The following DCP1B variants were observed in gnomAD, a reference collection of about 807,000 sequenced individuals.
DCP1B encodes decapping mRNA 1B.
In DCP1B, 47 loss-of-function variants were observed where a neutral mutation model predicts 60.5. The observed-to-expected ratio is 0.78, with a 90% CI of 0.61 to 0.99. The LOEUF (loss-of-function observed/expected upper bound fraction) is 0.99. Ranked by LOEUF, DCP1B falls within the 50% of genes least tolerant of loss-of-function variation. The pLI is 0.00. For missense variants in DCP1B, 725 were observed against 756.8 expected, an observed-to-expected ratio of 0.96 and a Z score of 0.49; for synonymous variants, 267 against 280.3, an observed-to-expected ratio of 0.95 and a Z score of 0.47.
chr12:1,969,684 G>A (rs910466989), intron 3 of DCP1B, among the ~76,000 whole-genome samples: 2 of 151,450 alleles, frequency 1.3e-5, no homozygotes, highest in African/African-American at 4.9e-5. Context: ...GTTGCTTCCA[G>A]TCCATCAACA....
chr12:1,974,530 T>C (rs893033020), intron 3 of DCP1B, among the ~76,000 whole-genome samples: 3 of 152,174 alleles, frequency 2.0e-5, no homozygotes, highest in Non-Finnish European at 4.4e-5. Flanking sequence ...TTCTTCCTGA[T>C]TGACTACTTG....
At chr12:1,961,900 G>A (rs1035730666) in intron 5 of DCP1B, among the ~76,000 whole-genome samples, 4 of 152,182 alleles carry the variant, frequency 2.6e-5, no homozygotes, top group Non-Finnish European at 5.9e-5. Context: ...GTGTGTGCTT[G>A]TGCTGTTCTT....
chr12:1,958,131 C>T (rs182620356), intron 5 of DCP1B, among the ~76,000 whole-genome samples: 6 of 147,988 alleles, frequency 4.1e-5, no homozygotes, highest in East Asian at 2.0e-4. Flanking sequence ...AGCTCCCTAA[C>T]GTCGCTCTGG....
intron 3 of DCP1B, among the ~76,000 whole-genome samples, chr12:1,974,813 T>C (rs1390152569): frequency 3.3e-5 from 5 of 152,182 alleles, no homozygotes; most frequent in African/African-American, 9.6e-5. Context: ...TGAATCTCAA[T>C]GTACATAAAT....
intron 3 of DCP1B, among the ~76,000 whole-genome samples, chr12:1,977,384 G>A (rs960027216): frequency 3.9e-5 from 6 of 152,140 alleles, no homozygotes; most frequent in Non-Finnish European, 5.9e-5. Context: ...TGGAAAGCTC[G>A]ACAACTTTGT....
At chr12:1,947,732 TATGA>T (rs2030490459) in intron 8 of DCP1B, among the ~76,000 whole-genome samples, 1 of 152,248 alleles carries the variant, frequency 6.6e-6, no homozygotes, top group African/African-American at 2.4e-5. Flanking sequence ...GATATTTACT[TATGA>T]ATTAGTAGGG....
intron 1 of DCP1B, 57 bp from the exon 2 acceptor site, chr12:1,998,032 T>A (rs2041346151): frequency 2.7e-6 from 4 of 1,479,560 alleles, no homozygotes; most frequent in Middle Eastern, 1.8e-4. Flanking sequence ...TTCACAAAGG[T>A]ATAAAACAAA....
chr12:1,995,071 A>ATT (rs564965584), intron 2 of DCP1B, among the ~76,000 whole-genome samples: 1 of 152,050 alleles, frequency 6.6e-6, no homozygotes, highest in Non-Finnish European at 1.5e-5. Flanking sequence ...ACAGCAAAGG[A>ATT]TTTTTTTCTC....
chr12:1,950,220 G>A (rs2030612887), intron 7 of DCP1B: 1 of 635,710 alleles, frequency 1.6e-6, no homozygotes, highest in Non-Finnish European at 2.9e-6. Context: ...AGTTGGCCTA[G>A]AGGAAGGCAG....
chr12:1,995,067 A>T (rs142178449), intron 2 of DCP1B, among the ~76,000 whole-genome samples: 100 of 152,224 alleles, frequency 6.6e-4, no homozygotes, highest in African/African-American at 2.3e-3. Context: ...AAAAACAGCA[A>T]AGGATTTTTT....
chr12:2,004,152 G>C, intron 1 of DCP1B, 130 bp downstream of exon 1: 2 of 1,328,646 alleles, frequency 1.5e-6, no homozygotes, highest in South Asian at 1.4e-5. Flanking sequence ...TTCGGCCTCA[G>C]TCCCCAGATC....
At chr12:1,956,987 A>T (rs796860841) in intron 5 of DCP1B, among the ~76,000 whole-genome samples, 8 of 152,244 alleles carry the variant, frequency 5.3e-5, no homozygotes, top group African/African-American at 1.9e-4. Flanking sequence ...AGCTTTTCCT[A>T]GTTAAAATGT....
At chr12:1,986,515 A>G (rs1206249307) in intron 3 of DCP1B, among the ~76,000 whole-genome samples, 2 of 152,172 alleles carry the variant, frequency 1.3e-5, no homozygotes, top group Non-Finnish European at 2.9e-5. Flanking sequence ...CTTTCTTGGG[A>G]TGTCAGGTGC....
chr12:1,988,856 T>A (rs1023694114), intron 3 of DCP1B, among the ~76,000 whole-genome samples: 3 of 152,244 alleles, frequency 2.0e-5, no homozygotes, highest in African/African-American at 7.2e-5. Context: ...ATCAAGGATT[T>A]AAACTGTCAT....
chr12:1,998,027 A>G (rs1308201477), intron 1 of DCP1B, 52 bp from the exon 2 acceptor site: 3 of 1,509,554 alleles, frequency 2.0e-6, no homozygotes, highest in Non-Finnish European at 2.7e-6. Flanking sequence ...TTCAATTCAC[A>G]AAGGTATAAA....
intron 3 of DCP1B, chr12:1,970,960 T>C (rs1004952546): frequency 5.0e-6 from 3 of 604,546 alleles, no homozygotes; most frequent in Non-Finnish European, 7.1e-6. Flanking sequence ...GAAATGTTAC[T>C]GCAGGAATAG....
intron 1 of DCP1B, among the ~76,000 whole-genome samples, chr12:2,001,681 T>C (rs2042224333): frequency 6.6e-6 from 1 of 152,230 alleles, no homozygotes; most frequent in African/African-American, 2.4e-5. Context: ...TGGGTCTCAT[T>C]ATCCAGAGGT....
intron 3 of DCP1B, among the ~76,000 whole-genome samples, chr12:1,988,560 C>T (rs1016765230): frequency 7.9e-5 from 12 of 152,204 alleles, no homozygotes; most frequent in African/African-American, 2.7e-4. Context: ...TTACAGCACG[C>T]TTCCTATTTC....
chr12:1,986,965 C>T (rs986373717), intron 3 of DCP1B, among the ~76,000 whole-genome samples: 4 of 152,032 alleles, frequency 2.6e-5, no homozygotes, highest in Non-Finnish European at 5.9e-5. Flanking sequence ...TGAAACATCC[C>T]AAGTAACACA....
Sources: gnomAD v4.1 joint callset for allele counts (sites outside exome capture counted in the v4.1 genomes callset) on GRCh38, gnomAD v4.1.1 for gene constraint, MANE v1.5 for transcripts, NCBI Gene and HGNC (gene_info 2026-07-23, HGNC 2026-07-21) for gene names.